Variants in KRT17 observed in about 807,000 individuals in gnomAD.
KRT17 encodes the protein keratin 17.
A neutral mutation model predicts 45.6 loss-of-function variants in KRT17; 29 were observed. The observed-to-expected ratio is 0.64, with a 90% CI of 0.47 to 0.87. KRT17 has a LOEUF of 0.87. Among genes scored for constraint, KRT17 ranks in the 40% least tolerant of loss-of-function variants. KRT17 has a pLI of 0.00. For missense variants in KRT17, 536 were observed against 577.8 expected, an observed-to-expected ratio of 0.93 and a Z score of 0.74; for synonymous variants, 219 against 234.6, an observed-to-expected ratio of 0.93 and a Z score of 0.61.
chr17:41,619,491 G>A lies in KRT17; in HGVS notation c.*103C>T. Reference sequence around the variant, plus strand: ...TCATCAGGCAAGGAAGCATGGGGAAGGGACTGAAGCAGGGGGCTGAGGCTG... The same window carrying A: ...TCATCAGGCAAGGAAGCATGGGGAAAGGACTGAAGCAGGGGGCTGAGGCTG... On this transcript the variant is annotated 3_prime_UTR_variant, in exon 8 of 8. Transcript: ENST00000311208. 1 of 1,598,062 alleles carries A rather than the reference G, an allele frequency of 6.3e-7. No individual in the cohort carries two copies. The highest frequency in any genetic ancestry group is 1.1e-5 in the South Asian group (1 of 90,084).
chr17:41,624,434 G>A lies in KRT17; in HGVS notation c.76C>T (p.Arg26Cys), dbSNP rs374384105. 47 of 1,610,130 alleles carry A rather than the reference G, an allele frequency of 2.9e-5. No individual in the cohort carries two copies. Among genetic ancestry groups the A allele is most frequent in the Admixed American group, 1.0e-4 (6 of 59,928 alleles). ...CCGCCAGACAGCCGGCAGGAGGTGC[G>A]GGACGAGCCGCCCCCCAGGCCGGAG... ...GSSGLGGGSS[R>C]TSCRLSGGLG... Residue 26 changes from arginine to cysteine, a missense_variant, in exon 1 of 8, where the codon CGC becomes TGC. Transcript: ENST00000311208.
In KRT17 at chr17:41,621,624, C is replaced by T. The variant is rs753353264; in HGVS notation, c.803G>A (p.Arg268His). The change falls in exon 4 of 8, where the codon CGC (arginine) becomes CAC (histidine). Residue 268 changes from arginine (R) to histidine (H), a missense_variant. Transcript: ENST00000311208. ...DQYEKMAEKN[R>H]KDAEDWFFSK... ...GAAGAACCAATCCTCGGCATCCTTG[C>T]GGTTCTTCTCTGCCATCTTCTCATA... The T allele has an allele frequency of 9.9e-6, 16 of 1,612,140 alleles. No homozygotes were observed. Among genetic ancestry groups the T allele is most frequent in the South Asian group, 4.4e-5 (4 of 90,996 alleles).
chr17:41,620,479 G>A, intron 7 of KRT17, 57 bp downstream of exon 7: 2 of 1,611,764 alleles, frequency 1.2e-6, no homozygotes, highest in Non-Finnish European at 1.7e-6. Flanking sequence ...CAACGTGCAG[G>A]TGGGCTGCCT....
intron 7 of KRT17, 142 bp from the exon 8 acceptor site, chr17:41,619,830 A>G: frequency 6.5e-7 from 1 of 1,539,282 alleles, no homozygotes; most frequent in Non-Finnish European, 8.8e-7. Context: ...TCGACATCAC[A>G]CTGCACACAC....
In KRT17 at chr17:41,624,100, G is replaced by A. The variant is rs1475360701; in HGVS notation, c.410C>T (p.Thr137Ile). ...PARDYSQYYR[T>I]IEELQNKILT... ...TACCTTGTTCTGCAGCTCCTCAATT[G>A]TCCTGTAGTACTGGCTGTAGTCACG... The change falls in exon 1 of 8, where the codon ACA becomes ATA. Residue 137 changes from threonine to isoleucine, a missense_variant. Physicochemically the swap from Thr to Ile is moderately conservative, Grantham distance 89 (BLOSUM62 -1). Coordinates refer to ENST00000311208, the MANE Select transcript of KRT17 (RefSeq NM_000422.3). The A allele has an allele frequency of 2.5e-6, 4 of 1,611,966 alleles. No individual in the cohort carries two copies. Among genetic ancestry groups the A allele is most frequent in the Admixed American group, 1.7e-5 (1 of 60,002 alleles).
In KRT17 at chr17:41,620,865, C is replaced by T; in HGVS notation, c.975G>A (p.Glu325=). 1 of 1,613,972 alleles carries T rather than the reference C, an allele frequency of 6.2e-7. No individual in the cohort carries two copies. The highest frequency in any genetic ancestry group is 8.5e-7 in the Non-Finnish European group (1 of 1,179,884). The change falls in exon 6 of 8, where the codon GAG becomes GAA. Residue 325 remains glutamate (E), a synonymous_variant. Coordinates refer to ENST00000311208, the MANE Select transcript of KRT17 (RefSeq NM_000422.3). ...QSQLSMKASL[E]GNLAETENRY... ...GGTTCTCTGTCTCCGCCAGGTTGCC[C>T]TCCAGGGATGCTTTCTGCAGGAGGG...
intron 7 of KRT17, 21 bp downstream of exon 7, chr17:41,620,515 C>T (rs1238831127): frequency 3.7e-6 from 6 of 1,611,676 alleles, no homozygotes; most frequent in Admixed American, 3.3e-5. Context: ...CCCCCAGGGC[C>T]GAAGCCACGC....
At chr17:41,623,090 G>C (rs903125501) in intron 1 of KRT17, 58 bp from the exon 2 acceptor site, 35 of 1,305,106 alleles carry the variant, frequency 2.7e-5, no homozygotes, top group African/African-American at 2.6e-4. Context: ...CCCACACCAG[G>C]GTTCTGAGCA....
chr17:41,623,202 G>T (rs1159783283), intron 1 of KRT17, 170 bp from the exon 2 acceptor site: 7 of 623,066 alleles, frequency 1.1e-5, no homozygotes, highest in Admixed American at 9.1e-5. Flanking sequence ...AGGGCTGAAA[G>T]GTGCCTCTTC....
chr17:41,623,069 G>A, intron 1 of KRT17, 37 bp from the exon 2 acceptor site: 1 of 1,510,670 alleles, frequency 6.6e-7, no homozygotes. Context: ...CATTGGATGG[G>A]GGTGGCTGAG....
chr17:41,622,118 A>G, intron 3 of KRT17: 3 of 618,840 alleles, frequency 4.8e-6, no homozygotes, highest in Non-Finnish European at 8.7e-6. Flanking sequence ...AGGTAGAGGG[A>G]GCCTCTGCAG....
intron 3 of KRT17, chr17:41,622,066 G>T: frequency 1.7e-6 from 1 of 594,426 alleles, no homozygotes; most frequent in Non-Finnish European, 3.0e-6. Flanking sequence ...AATGGGACAA[G>T]ATTTCCTTAC....
At chr17:41,620,905 G>A (rs539428497) in intron 5 of KRT17, 26 bp from the exon 6 acceptor site, 6 of 1,614,014 alleles carry the variant, frequency 3.7e-6, no homozygotes, top group East Asian at 4.5e-5. Flanking sequence ...AAGACCAGGG[G>A]TCAGTGAGGA....
chr17:41,619,923 G>A (rs1443099096), intron 7 of KRT17: 4 of 985,240 alleles, frequency 4.1e-6, no homozygotes. Context: ...CCCCAGATGG[G>A]TTATTTGATT....
At position 41,624,494 on chromosome 17, in the gene KRT17, G is replaced by A. The variant is rs79896664; in HGVS notation, c.16C>T (p.Arg6Cys). 352 of 1,610,120 alleles carry A rather than the reference G, an allele frequency of 2.2e-4. 1 individual carries two copies. The African/African-American group carries it at 2.6e-3, about 12-fold the overall frequency. The change falls in exon 1 of 8, where the codon CGC (arginine) becomes TGC (cysteine). Residue 6 changes from arginine to cysteine, a missense_variant. By Grantham distance (180) the Arg-to-Cys change is radical (BLOSUM62 -3). Transcript: ENST00000311208. MTTSI[R>C]QFTSSSSIKG... ...ATGGAGCTGGAGGAGGTGAACTGGCGGATGGAGGTGGTCATGGTGGCGGCG... is the reference window on the plus strand; with the variant it reads ...ATGGAGCTGGAGGAGGTGAACTGGCAGATGGAGGTGGTCATGGTGGCGGCG...
rs1000578801 is a variant in KRT17 at position 41,621,586 on chromosome 17, C to G, written c.834+7G>C. 1 of 1,612,022 alleles carries G rather than the reference C, an allele frequency of 6.2e-7. No homozygotes were observed. The highest frequency in any genetic ancestry group is 8.5e-7 in the Non-Finnish European group (1 of 1,179,852). On this transcript the variant is annotated splice_region_variant and intron_variant, in intron 4 of 7. Transcript: ENST00000311208. ...AAGAGAGCCCTCTGGCCTGCAGCAC[C>G]CCCCACCTTGCTGAAGAACCAATCC...
chr17:41,622,813 G>A lies in KRT17; in HGVS notation c.515+137C>T, dbSNP rs1397399078. 4 of 797,978 alleles carry A rather than the reference G, an allele frequency of 5.0e-6. No homozygotes were observed. The East Asian group carries it at 7.6e-5, about 15-fold the overall frequency. 49.4% of individuals were successfully genotyped at this position (797,978 alleles called of 1,614,324 possible). A position where few individuals can be genotyped will look rare whatever the true frequency, so the allele number is the denominator to read the frequency against. On this transcript the variant is annotated intron_variant, in intron 2 of 7. Transcript: ENST00000311208. The stretch of plus-strand genomic sequence containing the variant: ...CCTTCACTGCATCCTGGACTAAGGA[G>A]TGGGGCTCCTAGGACTGCCCCACCC...
chr17:41,620,444 G>A (rs756545411), intron 7 of KRT17, 92 bp downstream of exon 7: 1 of 1,610,458 alleles, frequency 6.2e-7, no homozygotes, highest in African/African-American at 1.3e-5. Context: ...ATCAACTCCT[G>A]GAGCTCCTGG....
chr17:41,621,623 G>A lies in KRT17; in HGVS notation c.804C>T (p.Arg268=), dbSNP rs1438280685. 4 of 1,612,130 alleles carry A rather than the reference G, an allele frequency of 2.5e-6. No individual in the cohort carries two copies. Among genetic ancestry groups the A allele is most frequent in the Non-Finnish European group, 3.4e-6 (4 of 1,179,868 alleles). The change falls in exon 4 of 8, where the codon CGC becomes CGT. Residue 268 remains arginine, a synonymous_variant. Transcript: ENST00000311208. ...TGAAGAACCAATCCTCGGCATCCTTGCGGTTCTTCTCTGCCATCTTCTCAT... is the reference window on the plus strand; with the variant it reads ...TGAAGAACCAATCCTCGGCATCCTTACGGTTCTTCTCTGCCATCTTCTCAT... ...DQYEKMAEKN[R]KDAEDWFFSK... is the part of the protein sequence containing the mutation.
Sources: gnomAD v4.1 joint callset for allele counts on GRCh38, gnomAD v4.1.1 for gene constraint, MANE v1.5 for transcripts, NCBI Gene and HGNC (gene_info 2026-07-23, HGNC 2026-07-21) for gene names.